The following EML6 variants were observed in gnomAD, a reference collection of about 807,000 sequenced individuals.
The protein encoded by EML6 is echinoderm microtubule-associated protein-like 6.
EML6 carries 154 observed loss-of-function variants against 240.1 expected under a neutral mutation model. The ratio of observed to expected loss-of-function variants is 0.64; its 90% CI spans 0.56 to 0.73. The LOEUF (loss-of-function observed/expected upper bound fraction) is 0.73. Ranked by LOEUF, EML6 falls within the 30% of genes least tolerant of loss-of-function variation. The probability of loss-of-function intolerance (pLI) is 0.00; values close to 1 mark genes in which losing one functional copy is unlikely to be tolerated. For missense variants in EML6, 2,964 were observed against 2,474.6 expected (o/e 1.20, Z -4.20); for synonymous variants, 1,148 against 899.0 (o/e 1.28, Z -4.95).
At position 54,815,622 on chromosome 2, in the gene EML6, C is replaced by A. The variant is rs78419647; in HGVS notation, c.358-1165C>A. 1.3e-3 allele frequency among the ~76,000 whole-genome samples: 197 copies of A among 152,262 alleles called. 1 individual carries two copies. Among genetic ancestry groups the A allele is most frequent in the African/African-American group, 4.6e-3 (192 of 41,548 alleles). On this transcript the variant is annotated intron_variant, in intron 3 of 41. Coordinates refer to ENST00000356458, the MANE Select transcript of EML6 (RefSeq NM_001039753.4). Reference sequence around the variant, plus strand: ...CTTATGAATAAAAATACAACCACATCTTGTTTCCATTGCTGAAACCCTCAG... The same window carrying A: ...CTTATGAATAAAAATACAACCACATATTGTTTCCATTGCTGAAACCCTCAG...
At chr2:54,938,481 G>A (rs1675266097) in intron 28 of EML6, among the ~76,000 whole-genome samples, 1 of 152,250 alleles carries the variant, frequency 6.6e-6, no homozygotes, top group Non-Finnish European at 1.5e-5. Flanking sequence ...CCAAGCACAA[G>A]AGGCTTCCTT....
intron 7 of EML6, among the ~76,000 whole-genome samples, chr2:54,839,817 T>C (rs1036083594): frequency 6.6e-6 from 1 of 152,112 alleles, no homozygotes; most frequent in African/African-American, 2.4e-5. Flanking sequence ...GAGTGCCATG[T>C]GACTTGACTG....
At chr2:54,767,707 C>G (rs1668244408) in intron 2 of EML6, among the ~76,000 whole-genome samples, 3 of 151,594 alleles carry the variant, frequency 2.0e-5, no homozygotes, top group Admixed American at 6.6e-5. Context: ...GAGACGGGGT[C>G]TCATTATATT....
chr2:54,946,590 C>A lies in EML6; in HGVS notation c.4005-2292C>A, dbSNP rs368958159. 3.9e-5 allele frequency among the ~76,000 whole-genome samples: 6 copies of A among 152,186 alleles called. No homozygotes were observed. The East Asian group carries it at 5.8e-4, about 15-fold the overall frequency. The stretch of plus-strand genomic sequence containing the variant: ...TCCCTCCCACATCTGATGTTATGAA[C>A]ACTGTTTATAGATGCCTGGAAAGAA... On this transcript the variant is annotated intron_variant, in intron 28 of 41. Transcript: ENST00000356458.
chr2:54,853,879 T>C, intron 11 of EML6, 24 bp downstream of exon 11: 1 of 1,485,512 alleles, frequency 6.7e-7, no homozygotes, highest in Non-Finnish European at 9.2e-7. Context: ...AGATGTTTCA[T>C]TGCATAAAGA....
intron 2 of EML6, among the ~76,000 whole-genome samples, chr2:54,789,562 C>CTT (rs1268195281): frequency 7.5e-6 from 1 of 132,468 alleles, no homozygotes; most frequent in Non-Finnish European, 1.6e-5. Flanking sequence ...AAAGAATGTG[C>CTT]TTTCCAAAGT....
At chr2:54,796,404 TC>T (rs1193257182) in intron 2 of EML6, among the ~76,000 whole-genome samples, 1 of 152,206 alleles carries the variant, frequency 6.6e-6, no homozygotes, top group East Asian at 1.9e-4. Context: ...AATGAAATAT[TC>T]CCACTTCAGG....
intron 2 of EML6, among the ~76,000 whole-genome samples, chr2:54,758,310 G>A (rs1420719640): frequency 6.6e-6 from 1 of 152,116 alleles, no homozygotes; most frequent in Non-Finnish European, 1.5e-5. Flanking sequence ...TTTGTCCAGT[G>A]TAATACTATT....
intron 7 of EML6, among the ~76,000 whole-genome samples, chr2:54,833,231 C>T (rs1356171775): frequency 6.6e-6 from 1 of 152,184 alleles, no homozygotes; most frequent in Admixed American, 6.5e-5. Flanking sequence ...TAGTGTGCCA[C>T]CTGTAAAGAC....
At chr2:54,867,722 C>A (rs1333663730) in intron 14 of EML6, 1 of 152,126 alleles carries the variant, frequency 6.6e-6, no homozygotes, top group East Asian at 1.9e-4. Flanking sequence ...TGCACTCCAG[C>A]CTGGTTAACA....
intron 28 of EML6, among the ~76,000 whole-genome samples, chr2:54,945,360 C>T (rs185804628): frequency 1.3e-5 from 2 of 149,128 alleles, no homozygotes; most frequent in South Asian, 4.3e-4. Flanking sequence ...GCATTTTATG[C>T]CACATTTTGG....
At chr2:54,953,348 T>C (rs1226951194) in intron 31 of EML6, among the ~76,000 whole-genome samples, 1 of 152,212 alleles carries the variant, frequency 6.6e-6, no homozygotes, top group Admixed American at 6.5e-5. Context: ...GTAGTTTGAA[T>C]CTGCAGAGCA....
At chr2:54,765,244 A>C (rs1442130950) in intron 2 of EML6, among the ~76,000 whole-genome samples, 1 of 152,192 alleles carries the variant, frequency 6.6e-6, no homozygotes, top group African/African-American at 2.4e-5. Context: ...ATTACTTACA[A>C]GGGTATTTTT....
At chr2:54,868,824 G>A (rs1437770549) in intron 14 of EML6, 1 of 197,210 alleles carries the variant, frequency 5.1e-6, no homozygotes, top group East Asian at 1.2e-4. Flanking sequence ...ATGGAGGAGA[G>A]GAATGGCTTT....
intron 2 of EML6, among the ~76,000 whole-genome samples, chr2:54,797,062 G>A (rs1404227774): frequency 6.0e-5 from 9 of 150,964 alleles, no homozygotes; most frequent in Non-Finnish European, 1.3e-4. Flanking sequence ...CTGCTCAGGA[G>A]GCTGAGGCAG....
At chr2:54,749,938 A>G (rs1213111112) in intron 2 of EML6, among the ~76,000 whole-genome samples, 1 of 152,258 alleles carries the variant, frequency 6.6e-6, no homozygotes, top group Non-Finnish European at 1.5e-5. Context: ...TGAGGCTTTC[A>G]GAGAGGTCCC....
chr2:54,950,609 C>T (rs994723921), intron 29 of EML6, 41 bp from the exon 30 acceptor site: 4 of 1,548,378 alleles, frequency 2.6e-6, no homozygotes, highest in Non-Finnish European at 3.5e-6. Context: ...CTCTCCCTTC[C>T]TTCCTCTGAG....
chr2:54,820,731 CATA>C (rs1372834689), intron 5 of EML6, among the ~76,000 whole-genome samples: 4 of 152,228 alleles, frequency 2.6e-5, no homozygotes, highest in Admixed American at 2.6e-4. Flanking sequence ...ACTGAAGACT[CATA>C]ATACTTGTGG....
At chr2:54,880,496 T>G (rs1419285432) in intron 17 of EML6, 1 of 152,226 alleles carries the variant, frequency 6.6e-6, no homozygotes, top group African/African-American at 2.4e-5. Flanking sequence ...TGTGGGGATT[T>G]AATGAATGAA....
Sources: allele counts gnomAD v4.1 joint callset (sites outside exome capture counted in the v4.1 genomes callset), GRCh38; gene constraint gnomAD v4.1.1; transcripts MANE v1.5; gene names NCBI Gene and HGNC (gene_info 2026-07-23, HGNC 2026-07-21).